The following ABCB10 variants were observed in gnomAD, a reference collection of about 807,000 sequenced individuals.
The protein encoded by ABCB10 is ATP binding cassette subfamily B member 10, also known as ATP-binding cassette sub-family B member 10, mitochondrial.
ABCB10 carries 54 observed loss-of-function variants against 65.4 expected under a neutral mutation model. The ratio of observed to expected loss-of-function variants is 0.83; its 90% CI spans 0.66 to 1.04. The LOEUF (loss-of-function observed/expected upper bound fraction) is 1.04, where lower values mean the gene tolerates loss of function less well. Ranked by LOEUF, ABCB10 falls within the 50% of genes least tolerant of loss-of-function variation. The probability of loss-of-function intolerance (pLI) is 0.00; values close to 1 mark genes in which losing one functional copy is unlikely to be tolerated. For missense variants in ABCB10, 846 were observed against 976.6 expected (o/e 0.87, Z 1.78); for synonymous variants, 418 against 406.5 (o/e 1.03, Z -0.34).
chr1:229,542,418 G>A (rs141170633), intron 3 of ABCB10, 47 bp from the exon 4 acceptor site: 2 of 1,591,444 alleles, frequency 1.3e-6, no homozygotes, highest in Admixed American at 1.7e-5. Context: ...ACATTGGGTG[G>A]CAAGACATTC....
intron 1 of ABCB10, among the ~76,000 whole-genome samples, chr1:229,553,021 A>G (rs555101586): frequency 6.6e-6 from 1 of 152,338 alleles, no homozygotes; most frequent in African/African-American, 2.4e-5. Context: ...AGGAAGGAGA[A>G]CTGAGAAATG....
At chr1:229,557,062 G>A (rs1663266285) in intron 1 of ABCB10, among the ~76,000 whole-genome samples, 1 of 152,160 alleles carries the variant, frequency 6.6e-6, no homozygotes, top group African/African-American at 2.4e-5. Flanking sequence ...GATATCAACA[G>A]CCCCCTAAGC....
At chr1:229,541,944 C>A in intron 4 of ABCB10, among the ~76,000 whole-genome samples, 1 of 140,590 alleles carries the variant, frequency 7.1e-6, no homozygotes. Flanking sequence ...TCTCATGTAC[C>A]TTGTCTCAAA....
At chr1:229,525,065 G>A (rs982780194) in intron 10 of ABCB10, among the ~76,000 whole-genome samples, 1 of 152,072 alleles carries the variant, frequency 6.6e-6, no homozygotes, top group Non-Finnish European at 1.5e-5. Flanking sequence ...ATGTTCACCA[G>A]GCTAGTCTTG....
Position 229,518,266 on chromosome 1 carries a change from A to G in ABCB10, c.2130T>C (p.Thr710=). ...GCAGCTCTTCATGTTTTCCATATTC[A>G]GTAATTTTTCCTTGGTCAAGAACAG... is the stretch of plus-strand genomic sequence containing the variant. ...MVAVLDQGKI[T]EYGKHEELLS... is the part of the protein sequence containing the mutation. Residue 710 remains threonine, a synonymous_variant, in exon 13 of 13, where the codon ACT becomes ACC. Transcript: ENST00000344517. 1.2e-6 allele frequency: 2 copies of G among 1,614,180 alleles called. No individual in the cohort carries two copies. Among genetic ancestry groups the G allele is most frequent in the Admixed American group, 1.7e-5 (1 of 60,018 alleles).
At chr1:229,542,066 G>C (rs576682447) in intron 4 of ABCB10, among the ~76,000 whole-genome samples, 171 bp downstream of exon 4, 1 of 152,038 alleles carries the variant, frequency 6.6e-6, no homozygotes, top group Admixed American at 6.6e-5. Flanking sequence ...TAGAAATCTA[G>C]TCTAGAAAAC....
intron 4 of ABCB10, 119 bp from the exon 5 acceptor site, chr1:229,540,871 A>T (rs1423947525): frequency 8.4e-7 from 1 of 1,187,166 alleles, no homozygotes; most frequent in African/African-American, 1.6e-5. Context: ...GAAAAGAAAT[A>T]GTGATAGTAA....
At chr1:229,519,166 G>A in intron 11 of ABCB10, 1 of 250,130 alleles carries the variant, frequency 4.0e-6, no homozygotes, top group Admixed American at 5.5e-5. Flanking sequence ...GTCCCTGGGG[G>A]GGTGATGAAA....
intron 3 of ABCB10, among the ~76,000 whole-genome samples, chr1:229,543,288 G>C (rs536633732): frequency 1.4e-4 from 21 of 152,302 alleles, no homozygotes; most frequent in African/African-American, 5.1e-4. Flanking sequence ...GGAGCTTCTA[G>C]CAATTGGAAT....
rs555216055 is a variant in ABCB10 at position 229,531,492 on chromosome 1, C to G, written c.1435+144G>C. The G allele has an allele frequency of 3.8e-6, 3 of 789,614 alleles. No individual in the cohort carries two copies. The African/African-American group carries it at 5.3e-5, about 14-fold the overall frequency. The allele number at this position is 789,614 out of a possible 1,614,324, so 48.9% of individuals were successfully genotyped here. ...CCCCCTCTCATAGAAAACCTGACCA[C>G]CTCCTCACCCGGCCCGCCATGCAGC... On this transcript the variant is annotated intron_variant, in intron 7 of 12. Transcript: ENST00000344517.
Position 229,558,613 on chromosome 1 carries a change from G to A in ABCB10, c.40C>T (p.Pro14Ser). The change falls in exon 1 of 13, where the codon CCA becomes TCA. Residue 14 changes from proline (P) to serine (S), a missense_variant. By Grantham distance (74) the Pro-to-Ser change is moderately conservative. This residue lies in a region of ABCB10 where 214 missense variants were observed against 173.5 expected (regional missense o/e 1.23). Coordinates refer to ENST00000344517, the MANE Select transcript of ABCB10 (RefSeq NM_012089.3). ...PPAWPLRLLE[P>S]PSPAEPGRLL... ...CGACCTGGCTCGGCAGGGCTCGGTG[G>A]CTCGAGCAGCCGCAGCGGCCAGGCA... The A allele has an allele frequency of 7.0e-7, 1 of 1,420,552 alleles. No homozygotes were observed. Among genetic ancestry groups the A allele is most frequent in the South Asian group, 1.4e-5 (1 of 73,054 alleles). 88.0% of individuals were successfully genotyped at this position (1,420,552 alleles called of 1,614,324 possible).
intron 4 of ABCB10, among the ~76,000 whole-genome samples, chr1:229,541,410 A>G (rs1662838667): frequency 6.6e-6 from 1 of 152,098 alleles, no homozygotes; most frequent in Non-Finnish European, 1.5e-5. Context: ...TATTTTTAGT[A>G]GAAACAAGGT....
rs1330556514 is a variant in ABCB10, at chr1:229,558,242, C to T, written c.411G>A (p.Pro137=). 1 of 1,336,954 alleles carries T rather than the reference C, an allele frequency of 7.5e-7. No individual in the cohort carries two copies. Among genetic ancestry groups the T allele is most frequent in the Non-Finnish European group, 9.5e-7 (1 of 1,047,484 alleles). 82.8% of individuals were successfully genotyped at this position (1,336,954 alleles called of 1,614,324 possible). Residue 137 remains proline, a synonymous_variant, in exon 1 of 13, where the codon CCG becomes CCA. Transcript: ENST00000344517. ...GCCCCTTGTCCCCGGGAGGCGCCGC[C>T]GGCCCGCGCCGCCAGGCCTCGTCCC... ...WAGDEAWRRG[P]AAPPGDKGRL...
chr1:229,527,510 C>T (rs1429953547), intron 8 of ABCB10, among the ~76,000 whole-genome samples: 1 of 152,214 alleles, frequency 6.6e-6, no homozygotes, highest in Non-Finnish European at 1.5e-5. Flanking sequence ...AAGTTATTGT[C>T]TCCCGATAGT....
At chr1:229,522,859 A>AT (rs934416180) in intron 10 of ABCB10, among the ~76,000 whole-genome samples, 35 of 149,564 alleles carry the variant, frequency 2.3e-4, no homozygotes, top group African/African-American at 8.2e-4. Flanking sequence ...TTCTTTTTTT[A>AT]TTTTTTTTGA....
intron 6 of ABCB10, 60 bp downstream of exon 6, chr1:229,539,396 T>C: frequency 3.8e-6 from 6 of 1,586,464 alleles, no homozygotes; most frequent in Non-Finnish European, 5.2e-6. Context: ...CAGTTTCTCT[T>C]TCAGAAATGA....
intron 1 of ABCB10, among the ~76,000 whole-genome samples, chr1:229,557,572 A>G (rs1328722242): frequency 1.3e-5 from 2 of 152,244 alleles, no homozygotes; most frequent in African/African-American, 4.8e-5. Context: ...TTCTTTTAAA[A>G]AAGTTACTCA....
At chr1:229,556,980 G>GA (rs998062523) in intron 1 of ABCB10, among the ~76,000 whole-genome samples, 12 of 151,120 alleles carry the variant, frequency 7.9e-5, no homozygotes, top group African/African-American at 2.7e-4. Context: ...AGAGGAAAGA[G>GA]AAAAAGATAT....
intron 8 of ABCB10, 92 bp from the exon 9 acceptor site, chr1:229,527,400 AT>A (rs111816410): frequency 8.7e-7 from 1 of 1,145,348 alleles, no homozygotes; most frequent in Non-Finnish European, 1.3e-6. Context: ...TTCCAGACTC[AT>A]TTTTTAAAGA....
Sources: allele counts gnomAD v4.1 joint callset (sites outside exome capture counted in the v4.1 genomes callset), GRCh38; gene constraint gnomAD v4.1.1; regional missense constraint gnomAD v4.1.1; transcripts MANE v1.5; gene names NCBI Gene and HGNC (gene_info 2026-07-23, HGNC 2026-07-21).